The following TRHDE variants were observed in gnomAD, a reference collection of about 807,000 sequenced individuals.
TRHDE encodes thyrotropin releasing hormone degrading enzyme, also known as thyrotropin-releasing hormone-degrading ectoenzyme.
TRHDE carries 72 observed loss-of-function variants against 125.7 expected under a neutral mutation model. The ratio of observed to expected loss-of-function variants is 0.57; its 90% CI spans 0.47 to 0.70. The LOEUF is 0.70. TRHDE is among the 30% of genes least tolerant of loss of function. The pLI is 0.00. For missense variants in TRHDE, 1,110 were observed against 1,327.1 expected (o/e 0.84, Z 2.54); for synonymous variants, 509 against 509.1 (o/e 1.00, Z 0.00).
At chr12:72,234,300 A>G (rs2139375998) in intron 2 of TRHDE, among the ~76,000 whole-genome samples, 1 of 152,298 alleles carries the variant, frequency 6.6e-6, no homozygotes, top group Admixed American at 6.5e-5. Context: ...CAGACCTTAA[A>G]TCAACAGCTG....
At chr12:72,542,211 T>C (rs1869185459) in intron 6 of TRHDE, 80 bp from the exon 7 acceptor site, 3 of 985,918 alleles carry the variant, frequency 3.0e-6, no homozygotes, top group Non-Finnish European at 3.0e-6. Context: ...ATGAATGAAG[T>C]AGACTAGATT....
At chr12:72,619,301 G>T (rs148987831) in intron 13 of TRHDE, among the ~76,000 whole-genome samples, 104 of 152,206 alleles carry the variant, frequency 6.8e-4, no homozygotes, top group Admixed American at 1.3e-3. Context: ...AATTTTTAAA[G>T]TTCAAACTTA....
intron 7 of TRHDE, among the ~76,000 whole-genome samples, chr12:72,553,854 T>A (rs1355043606): frequency 6.7e-6 from 1 of 150,336 alleles, no homozygotes; most frequent in Non-Finnish European, 1.5e-5. Context: ...TCCTTCTTTT[T>A]TTTTTTTTTT....
intron 6 of TRHDE, among the ~76,000 whole-genome samples, chr12:72,523,856 A>T (rs1868287766): frequency 6.6e-6 from 1 of 152,164 alleles, no homozygotes; most frequent in Admixed American, 6.6e-5. Context: ...TCCCTGGACG[A>T]TATGTTTTTG....
chr12:72,287,023 T>TA, intron 2 of TRHDE, 69 bp downstream of exon 2: 1 of 1,489,132 alleles, frequency 6.7e-7, no homozygotes, highest in Non-Finnish European at 9.1e-7. Flanking sequence ...ATTTCTGGAT[T>TA]AACAGTGAGT....
intron 3 of TRHDE, among the ~76,000 whole-genome samples, chr12:72,432,475 T>A (rs1442185824): frequency 2.0e-5 from 3 of 152,194 alleles, no homozygotes; most frequent in African/African-American, 7.2e-5. Context: ...CAGTCCCTTG[T>A]ACCTACTCCT....
At chr12:72,571,606 G>A (rs923698854) in intron 10 of TRHDE, among the ~76,000 whole-genome samples, 4 of 151,988 alleles carry the variant, frequency 2.6e-5, no homozygotes, top group Non-Finnish European at 2.9e-5. Context: ...TTCTTATTAT[G>A]CAAATACCAA....
intron 2 of TRHDE, among the ~76,000 whole-genome samples, chr12:72,358,369 T>G (rs75481436): frequency 0.019 from 2,821 of 151,736 alleles, 106 homozygotes; most frequent in African/African-American, 0.064. Flanking sequence ...CCACTGCCAC[T>G]AAATAAATAG....
At chr12:72,621,798 T>C (rs1336722238) in intron 15 of TRHDE, 47 bp downstream of exon 15, 1 of 1,402,536 alleles carries the variant, frequency 7.1e-7, no homozygotes, top group Non-Finnish European at 9.8e-7. Flanking sequence ...TAATAGTGCT[T>C]TCAGAGTCTC....
chr12:72,619,012 C>T lies in TRHDE; in HGVS notation c.2443C>T (p.Arg815Cys), dbSNP rs754941910. ...ALYPLDKLLD[R>C]MENYNIFNEY... ...TTATCCTCTAGATAAATTACTGGAC[C>T]GCATGGAAAACTACAACATTTTCAA... Residue 815 changes from arginine to cysteine, a missense_variant, in exon 13 of 19, where the codon CGC becomes TGC. Arg to Cys is a radical substitution (Grantham distance 180). Around this residue, in one of 5 missense-constraint regions of TRHDE, gnomAD observed 527 missense variants for 651.8 expected, o/e 0.81. Transcript: ENST00000261180. The T allele has an allele frequency of 1.2e-5, 18 of 1,564,178 alleles. No individual in the cohort carries two copies. The highest frequency in any genetic ancestry group is 5.5e-5 in the African/African-American group (4 of 72,094).
chr12:72,364,888 A>G (rs1041739788), intron 2 of TRHDE, among the ~76,000 whole-genome samples: 18 of 152,120 alleles, frequency 1.2e-4, no homozygotes, highest in Non-Finnish European at 2.5e-4. Flanking sequence ...CAGGCGTAAA[A>G]TAGATAGCTT....
chr12:72,438,475 G>A (rs1328436919), intron 3 of TRHDE, among the ~76,000 whole-genome samples: 1 of 151,738 alleles, frequency 6.6e-6, no homozygotes, highest in African/African-American at 2.4e-5. Context: ...ATTCTAAGAG[G>A]TATGAGATGG....
chr12:72,561,364 G>A (rs767209262), intron 7 of TRHDE, among the ~76,000 whole-genome samples: 47 of 152,130 alleles, frequency 3.1e-4, no homozygotes, highest in Admixed American at 2.5e-3. Flanking sequence ...TCAAATGAAC[G>A]AGGAGGGACT....
chr12:72,098,345 C>G (rs1566213016), intron 1 of TRHDE, among the ~76,000 whole-genome samples: 1 of 152,138 alleles, frequency 6.6e-6, no homozygotes, highest in Non-Finnish European at 1.5e-5. Context: ...TTGCAAAACT[C>G]TAGTATAATA....
At chr12:72,188,024 C>G (rs1278730832) in intron 2 of TRHDE, among the ~76,000 whole-genome samples, 1 of 152,138 alleles carries the variant, frequency 6.6e-6, no homozygotes, top group Non-Finnish European at 1.5e-5. Flanking sequence ...GATGAAAACT[C>G]TGGCCAAAAG....
chr12:72,195,661 CA>C (rs1239984746), intron 2 of TRHDE, among the ~76,000 whole-genome samples: 1 of 151,932 alleles, frequency 6.6e-6, no homozygotes, highest in East Asian at 1.9e-4. Context: ...ATTCAGTTTG[CA>C]AATTGTAGGT....
intron 2 of TRHDE, chr12:72,255,702 A>G (rs1878798307): frequency 6.6e-6 from 1 of 152,218 alleles, no homozygotes; most frequent in African/African-American, 2.4e-5. Flanking sequence ...AATAAGATCC[A>G]GGCTGTTTCA....
chr12:72,655,767 C>T (rs1874685841), intron 17 of TRHDE, among the ~76,000 whole-genome samples: 1 of 152,116 alleles, frequency 6.6e-6, no homozygotes. Flanking sequence ...TTGTTATTTG[C>T]CTGCATAATT....
At chr12:72,253,290 A>G (rs980598943) in intron 2 of TRHDE, among the ~76,000 whole-genome samples, 3 of 152,084 alleles carry the variant, frequency 2.0e-5, no homozygotes, top group East Asian at 3.8e-4. Flanking sequence ...CTAAATAGAC[A>G]ATCATGTCAT....
Sources: allele counts gnomAD v4.1 joint callset (sites outside exome capture counted in the v4.1 genomes callset), GRCh38; gene constraint gnomAD v4.1.1; regional missense constraint gnomAD v4.1.1; transcripts MANE v1.5; gene names NCBI Gene and HGNC (gene_info 2026-07-23, HGNC 2026-07-21).